The following COBL variants were observed in gnomAD, a reference collection of about 807,000 sequenced individuals.
COBL encodes the protein cordon-bleu WH2 repeat protein.
A neutral mutation model predicts 98.8 loss-of-function variants in COBL; 51 were observed. The observed-to-expected ratio is 0.52, with a 90% CI of 0.41 to 0.65. The LOEUF is 0.65. COBL is among the 30% of genes least tolerant of loss of function. COBL has a pLI of 0.00. For synonymous variants in COBL, 634 were observed against 651.7 expected, an observed-to-expected ratio of 0.97 and a Z score of 0.41; for missense variants, 1,617 against 1,617.5, an observed-to-expected ratio of 1.00 and a Z score of 0.01.
At chr7:51,113,477 GT>G (rs1376911467) in intron 6 of COBL, among the ~76,000 whole-genome samples, 6 of 152,154 alleles carry the variant, frequency 3.9e-5, no homozygotes, top group Non-Finnish European at 7.4e-5. Flanking sequence ...TGTTAAGAAA[GT>G]TTTTAGTCAC....
chr7:51,244,412 C>T (rs146611102), intron 1 of COBL, among the ~76,000 whole-genome samples: 461 of 152,354 alleles, frequency 3.0e-3, no homozygotes, highest in Non-Finnish European at 5.0e-3. Flanking sequence ...TTCAATCACA[C>T]GGCCTTCTTT....
At chr7:51,310,851 T>C (rs1802958993) in intron 1 of COBL, among the ~76,000 whole-genome samples, 1 of 152,118 alleles carries the variant, frequency 6.6e-6, no homozygotes, top group African/African-American at 2.4e-5. Context: ...AGAGATGGGG[T>C]TTCACCATCT....
intron 12 of COBL, chr7:51,023,067 T>C (rs1485027629): frequency 6.6e-6 from 1 of 152,214 alleles, no homozygotes; most frequent in African/African-American, 2.4e-5. Flanking sequence ...CCAGAGAGCC[T>C]TCCGATGATC....
At chr7:51,200,309 T>C (rs865869418) in intron 2 of COBL, among the ~76,000 whole-genome samples, 10 of 152,198 alleles carry the variant, frequency 6.6e-5, no homozygotes, top group African/African-American at 2.2e-4. Flanking sequence ...TATGAAAATA[T>C]GAATCTCACT....
chr7:51,126,438 G>A (rs1450500308), intron 6 of COBL, among the ~76,000 whole-genome samples: 1 of 152,192 alleles, frequency 6.6e-6, no homozygotes, highest in African/African-American at 2.4e-5. Context: ...TGTTAGGACA[G>A]GCTGGGCCAC....
intron 1 of COBL, among the ~76,000 whole-genome samples, chr7:51,227,130 G>A (rs964630778): frequency 3.9e-5 from 6 of 152,196 alleles, no homozygotes; most frequent in Non-Finnish European, 7.3e-5. Flanking sequence ...AGTGCCGGCT[G>A]ATGAGCGGTG....
At chr7:51,133,522 A>G (rs997384885) in intron 6 of COBL, among the ~76,000 whole-genome samples, 6 of 152,158 alleles carry the variant, frequency 3.9e-5, no homozygotes, top group Non-Finnish European at 5.9e-5. Flanking sequence ...CCCCATCCAG[A>G]CCTACTGAAT....
chr7:51,236,200 C>T lies in COBL; in HGVS notation c.42-16256G>A, dbSNP rs191465251. Among the ~76,000 whole-genome samples the T allele has an allele frequency of 2.0e-5, 3 of 152,134 alleles. No homozygotes were observed. In the East Asian group the frequency reaches 5.8e-4, roughly 29 times the overall value. ...AGAAAACTGAGGCCCAGAGCCCTTA[C>T]AAGGAGTGCTGGGACAATCTAAGAA... On this transcript the variant is annotated intron_variant, in intron 1 of 12. Coordinates refer to ENST00000265136, the MANE Select transcript of COBL (RefSeq NM_015198.5).
intron 5 of COBL, among the ~76,000 whole-genome samples, chr7:51,158,534 A>G (rs537209281): frequency 6.6e-5 from 10 of 152,332 alleles, no homozygotes; most frequent in African/African-American, 2.2e-4. Flanking sequence ...AGGTGGTGCT[A>G]GCTGAGGAGA....
At chr7:51,090,947 A>C (rs1794759814) in intron 6 of COBL, among the ~76,000 whole-genome samples, 1 of 152,252 alleles carries the variant, frequency 6.6e-6, no homozygotes, top group East Asian at 1.9e-4. Context: ...AGAAATCAGC[A>C]AACCTTCTAA....
At chr7:51,086,280 C>T (rs1427470685) in intron 6 of COBL, among the ~76,000 whole-genome samples, 1 of 147,512 alleles carries the variant, frequency 6.8e-6, no homozygotes, top group African/African-American at 2.5e-5. Context: ...TCGCTTGAAC[C>T]CAGGAGGTGG....
intron 5 of COBL, among the ~76,000 whole-genome samples, chr7:51,141,320 T>C (rs1298818591): frequency 6.6e-6 from 1 of 152,162 alleles, no homozygotes; most frequent in East Asian, 1.9e-4. Context: ...ACAATAAGTA[T>C]ACTCTGAGCT....
At chr7:51,248,700 T>C (rs554375496) in intron 1 of COBL, among the ~76,000 whole-genome samples, 1 of 152,230 alleles carries the variant, frequency 6.6e-6, no homozygotes. Context: ...TTTGTAAATA[T>C]CTAAATACAA....
chr7:51,304,241 C>A (rs190752707), intron 1 of COBL, among the ~76,000 whole-genome samples: 2 of 152,294 alleles, frequency 1.3e-5, no homozygotes, highest in Admixed American at 6.5e-5. Context: ...ACACAATGAC[C>A]TCTATTTAGA....
chr7:51,250,427 A>G (rs1796630263), intron 1 of COBL, among the ~76,000 whole-genome samples: 1 of 152,236 alleles, frequency 6.6e-6, no homozygotes, highest in African/African-American at 2.4e-5. Flanking sequence ...TGATGGTTCC[A>G]AGAAAACTTT....
At position 51,274,208 on chromosome 7, in the gene COBL, T is replaced by C. The variant is rs1028443532; in HGVS notation, c.41+42385A>G. Among the ~76,000 whole-genome samples the C allele has an allele frequency of 2.0e-5, 3 of 152,082 alleles. No individual in the cohort carries two copies. In the East Asian group the frequency reaches 5.8e-4, roughly 29 times the overall value. On this transcript the variant is annotated intron_variant, in intron 1 of 12. Coordinates refer to ENST00000265136, the MANE Select transcript of COBL (RefSeq NM_015198.5). The stretch of plus-strand genomic sequence containing the variant: ...ACGGTAGACACACAGCACTTCAAAC[T>C]CACACCCAGCCTTGCTGCAACGCCT...
chr7:51,170,154 G>C (rs1383235910), intron 5 of COBL, among the ~76,000 whole-genome samples: 1 of 151,654 alleles, frequency 6.6e-6, no homozygotes, highest in Non-Finnish European at 1.5e-5. Context: ...TGATTCATTC[G>C]ATTTTTTTTC....
chr7:51,039,763 G>A (rs1236880066), intron 8 of COBL, among the ~76,000 whole-genome samples: 1 of 152,192 alleles, frequency 6.6e-6, no homozygotes, highest in African/African-American at 2.4e-5. Flanking sequence ...TGTAAGTCTG[G>A]GAACAGGCCA....
chr7:51,241,328 T>C (rs1205537800), intron 1 of COBL, among the ~76,000 whole-genome samples: 1 of 152,222 alleles, frequency 6.6e-6, no homozygotes, highest in African/African-American at 2.4e-5. Flanking sequence ...CACACTATTT[T>C]GCATGTTATT....
Sources: allele counts gnomAD v4.1 joint callset (sites outside exome capture counted in the v4.1 genomes callset), GRCh38; gene constraint gnomAD v4.1.1; transcripts MANE v1.5; gene names NCBI Gene and HGNC (gene_info 2026-07-23, HGNC 2026-07-21).